Variants in MYO1H observed in about 807,000 individuals in gnomAD.
The protein encoded by MYO1H is unconventional myosin-Ih.
In MYO1H, 118 loss-of-function variants were observed where a neutral mutation model predicts 149.3. The observed-to-expected ratio is 0.79, with a 90% CI of 0.68 to 0.92. MYO1H has a LOEUF of 0.92. Among genes scored for constraint, MYO1H ranks in the 40% least tolerant of loss-of-function variants. The pLI is 0.00. For missense variants in MYO1H, 1,212 were observed against 1,280.7 expected, an observed-to-expected ratio of 0.95 and a Z score of 0.82; for synonymous variants, 447 against 465.2, an observed-to-expected ratio of 0.96 and a Z score of 0.50.
rs755042189 is a variant in MYO1H, at chr12:109,403,966, A to T, written c.751-16A>T. 1.2e-6 allele frequency: 2 copies of T among 1,601,120 alleles called. No homozygotes were observed. Among genetic ancestry groups the T allele is most frequent in the Non-Finnish European group, 1.7e-6 (2 of 1,169,258 alleles). On this transcript the variant is annotated splice_polypyrimidine_tract_variant and intron_variant, in intron 6 of 31. Transcript: ENST00000310903. ...TATAAAAATGACATTAAGTGACTCAAACTTTTTGTCAACAGGGTCATTGTG... is the reference window on the plus strand; with the variant it reads ...TATAAAAATGACATTAAGTGACTCATACTTTTTGTCAACAGGGTCATTGTG...
chr12:109,401,325 G>C, intron 6 of MYO1H, 53 bp downstream of exon 6: 1 of 1,537,052 alleles, frequency 6.5e-7, no homozygotes, highest in Non-Finnish European at 8.8e-7. Context: ...GGGGATCAGA[G>C]ATGTTTCTAC....
At position 109,375,524 on chromosome 12, in the gene MYO1H, T is replaced by G. The variant is rs531193763; in HGVS notation, c.13-13159T>G. Among the ~76,000 whole-genome samples, 11 of 152,342 alleles carry G rather than the reference T, an allele frequency of 7.2e-5. No individual in the cohort carries two copies. The East Asian group carries it at 2.1e-3, about 29-fold the overall frequency. On this transcript the variant is annotated intron_variant, in intron 1 of 31. Transcript: ENST00000310903. ...TTAGATTGAACTGTTTGATTTTTCT[T>G]ATTCATTTCTAGATCCTTTTTATGT...
chr12:109,311,478 A>G, the MYO1H span, among the ~76,000 whole-genome samples: 81 of 152,226 alleles, frequency 5.3e-4, no homozygotes, highest in African/African-American at 1.9e-3. Flanking sequence ...TTATATAAAT[A>G]CATGGCATTT....
intron 23 of MYO1H, 109 bp downstream of exon 23, chr12:109,438,729 G>A (rs1015237785): frequency 2.5e-6 from 2 of 802,494 alleles, no homozygotes; most frequent in Non-Finnish European, 2.0e-6. Flanking sequence ...TGTGCAGAAA[G>A]GAAAAACTCC....
In MYO1H at chr12:109,408,054, C is replaced by G. The variant is rs921803688; in HGVS notation, c.1155+141C>G. On this transcript the variant is annotated intron_variant, in intron 10 of 31. Transcript: ENST00000310903. ...ATGGTGTCTTTCCCTATTCACATTT[C>G]CCATGTCTAGCATACAGTATGGGTG... The G allele has an allele frequency of 8.5e-6, 9 of 1,057,756 alleles. No individual in the cohort carries two copies. The African/African-American group carries it at 1.2e-4, about 15-fold the overall frequency. The allele number at this position is 1,057,756 out of a possible 1,614,324, so 65.5% of individuals were successfully genotyped here.
At chr12:109,327,122 C>CTTTTTTTTTTTTT in the MYO1H span, among the ~76,000 whole-genome samples, 86 of 111,372 alleles carry the variant, frequency 7.7e-4, 13 homozygotes, top group African/African-American at 2.1e-3. Context: ...TTTTCTTTTT[C>CTTTTTTTTTTTTT]TTTTTCTTTT....
chr12:109,342,775 TC>T, the MYO1H span, among the ~76,000 whole-genome samples: 18 of 151,908 alleles, frequency 1.2e-4, no homozygotes, highest in Non-Finnish European at 2.4e-4. Context: ...ACTCCTGGCT[TC>T]AAGTGATCCT....
chr12:109,416,897 C>T (rs1870934645), intron 15 of MYO1H, among the ~76,000 whole-genome samples: 1 of 152,032 alleles, frequency 6.6e-6, no homozygotes, highest in Non-Finnish European at 1.5e-5. Flanking sequence ...ATCCCAGCTA[C>T]TAGGGAGGGT....
chr12:109,329,794 A>C, the MYO1H span, among the ~76,000 whole-genome samples: 1 of 152,190 alleles, frequency 6.6e-6, no homozygotes, highest in African/African-American at 2.4e-5. Flanking sequence ...ATTATATGCC[A>C]GTGATTATGC....
intron 1 of MYO1H, among the ~76,000 whole-genome samples, chr12:109,379,174 G>A (rs930680159): frequency 1.3e-5 from 2 of 152,134 alleles, no homozygotes; most frequent in African/African-American, 2.4e-5. Context: ...AGTGGCTGCT[G>A]TACTGAACAG....
intron 10 of MYO1H, 113 bp from the exon 11 acceptor site, chr12:109,409,444 G>A (rs1256102452): frequency 1.2e-5 from 11 of 898,766 alleles, no homozygotes; most frequent in Non-Finnish European, 1.9e-5. Context: ...CATTGTTGGA[G>A]ACAGAGGACA....
intron 19 of MYO1H, among the ~76,000 whole-genome samples, chr12:109,428,930 C>T (rs1871496628): frequency 6.6e-6 from 1 of 152,122 alleles, no homozygotes; most frequent in Non-Finnish European, 1.5e-5. Flanking sequence ...GTGAGCAGGC[C>T]GGGCATGTTG....
chr12:109,444,284 G>GT lies in MYO1H; in HGVS notation c.2895+2dup. On this transcript the variant is annotated splice_donor_variant, in intron 29 of 31. Transcript: ENST00000310903. LOFTEE classifies it high-confidence loss of function. Reference sequence around the variant, plus strand: ...TTCACCAGAGGACAGCAAGCAAAAGGTAATTGACAGCCACCAGTCTCTACT... The same window carrying GT: ...TTCACCAGAGGACAGCAAGCAAAAGGTTAATTGACAGCCACCAGTCTCTACT... 8.7e-6 allele frequency: 14 copies of GT among 1,613,192 alleles called. No individual in the cohort carries two copies. The highest frequency in any genetic ancestry group is 1.1e-5 in the Non-Finnish European group (13 of 1,179,232).
chr12:109,352,049 T>C (rs916631367), intron 1 of MYO1H, among the ~76,000 whole-genome samples: 9 of 152,290 alleles, frequency 5.9e-5, no homozygotes, highest in Non-Finnish European at 1.2e-4. Flanking sequence ...CTTTTACTAG[T>C]GAGTGGGACA....
chr12:109,321,907 A>G, the MYO1H span, among the ~76,000 whole-genome samples: 1 of 152,252 alleles, frequency 6.6e-6, no homozygotes, highest in East Asian at 1.9e-4. Flanking sequence ...TACGCATGCA[A>G]TGCCCTTATG....
At chr12:109,409,344 T>C (rs959639373) in intron 10 of MYO1H, among the ~76,000 whole-genome samples, 14 of 139,264 alleles carry the variant, frequency 1.0e-4, no homozygotes, top group Non-Finnish European at 3.0e-5. Flanking sequence ...AAGGTCTGAC[T>C]ACACAGGTGA....
intron 1 of MYO1H, among the ~76,000 whole-genome samples, chr12:109,353,100 C>T (rs1309535168): frequency 6.6e-6 from 1 of 151,954 alleles, no homozygotes. Context: ...TACTCATAAA[C>T]AATATTATTG....
intron 9 of MYO1H, 47 bp downstream of exon 9, chr12:109,406,907 C>T (rs765406279): frequency 6.5e-6 from 10 of 1,539,562 alleles, no homozygotes; most frequent in Non-Finnish European, 9.0e-6. Flanking sequence ...CCTGCTGCTG[C>T]TGCCTCCCTC....
chr12:109,409,593 A>ATC lies in MYO1H; in HGVS notation c.1194_1195dup (p.Tyr399SerfsTer17), dbSNP rs1870575226. 35 of 1,613,796 alleles carry ATC rather than the reference A, an allele frequency of 2.2e-5. No homozygotes were observed. Among genetic ancestry groups the ATC allele is most frequent in the Non-Finnish European group, 2.8e-5 (33 of 1,179,722 alleles). On this transcript the variant is annotated frameshift_variant, in exon 11 of 32. Transcript: ENST00000310903. LOFTEE classifies it high-confidence loss of function. ...GAAAACTGTAATTGGATTACTGGACATCTATGGGTTTGAAGTCTTTGACAA... is the reference window on the plus strand; with the variant it reads ...GAAAACTGTAATTGGATTACTGGACATCTCTATGGGTTTGAAGTCTTTGACAA...
Sources: allele counts gnomAD v4.1 joint callset (sites outside exome capture counted in the v4.1 genomes callset), GRCh38; gene constraint gnomAD v4.1.1; transcripts MANE v1.5; gene names NCBI Gene and HGNC (gene_info 2026-07-23, HGNC 2026-07-21).